GDI2: variants seen among roughly 807,000 people sequenced by gnomAD.
GDI2 encodes the protein GDP dissociation inhibitor 2.
In GDI2, 22 loss-of-function variants were observed where a neutral mutation model predicts 54.2. The ratio of observed to expected loss-of-function variants is 0.41; its 90% confidence interval spans 0.29 to 0.58. The LOEUF (loss-of-function observed/expected upper bound fraction) is 0.58. Ranked by LOEUF, GDI2 falls within the 20% of genes least tolerant of loss-of-function variation. The pLI, the probability that GDI2 is intolerant of heterozygous loss-of-function variation, is 0.35. For missense variants in GDI2, 422 were observed against 546.0 expected (o/e 0.77, Z 2.26); for synonymous variants, 177 against 182.1 (o/e 0.97, Z 0.23).
In GDI2 at chr10:5,785,419, G is replaced by C. The variant is rs552047976; in HGVS notation, c.588-146C>G. ...AGACAGGGTCTCACTCTGTCGCCCA[G>C]ACTGGAGTGCAGTGGTGCAATCTCG... On this transcript the variant is annotated intron_variant, in intron 5 of 10. Transcript: ENST00000380191. 26 of 619,406 alleles carry C rather than the reference G, an allele frequency of 4.2e-5. 1 individual carries two copies. In the South Asian group the frequency reaches 5.4e-4, roughly 13 times the overall value. The allele number at this position is 619,406 out of a possible 1,614,324, so 38.4% of individuals were successfully genotyped here. A position where few individuals can be genotyped will look rare whatever the true frequency, so the allele number is the denominator to read the frequency against.
chr10:5,786,146 C>T (rs919851545), intron 4 of GDI2, 96 bp from the exon 5 acceptor site: 6 of 694,394 alleles, frequency 8.6e-6, no homozygotes, highest in Non-Finnish European at 1.5e-5. Flanking sequence ...TTGTTATCAA[C>T]TGCGGAATGC....
intron 6 of GDI2, among the ~76,000 whole-genome samples, chr10:5,775,104 A>G (rs1220604849): frequency 6.6e-6 from 1 of 152,224 alleles, no homozygotes; most frequent in Non-Finnish European, 1.5e-5. Flanking sequence ...CCTTGGCAAC[A>G]TGCTGAAACC....
intron 8 of GDI2, among the ~76,000 whole-genome samples, chr10:5,767,155 G>C (rs1413371550): frequency 1.3e-5 from 2 of 151,728 alleles, no homozygotes; most frequent in Non-Finnish European, 2.9e-5. Flanking sequence ...GTCATTTCCA[G>C]GATAGAAAAT....
intron 1 of GDI2, among the ~76,000 whole-genome samples, chr10:5,807,633 T>C (rs1209915178): frequency 6.6e-6 from 1 of 152,188 alleles, no homozygotes; most frequent in Admixed American, 6.5e-5. Context: ...CACTTGACGT[T>C]CTCCTACATA....
intron 4 of GDI2, among the ~76,000 whole-genome samples, chr10:5,788,613 AT>A (rs1440410333): frequency 6.6e-6 from 1 of 152,206 alleles, no homozygotes; most frequent in Non-Finnish European, 1.5e-5. Flanking sequence ...GTGAAAAAAA[AT>A]CTCATGTTTT....
In GDI2 at chr10:5,771,873, C is replaced by T. The variant is rs146586410; in HGVS notation, c.819+1969G>A. Among the ~76,000 whole-genome samples, 264 of 152,248 alleles carry T rather than the reference C, an allele frequency of 1.7e-3. 1 individual carries two copies. The highest frequency in any genetic ancestry group is 9.7e-3 in the East Asian group (50 of 5,178). ...TTGGGAGGCCGAGGCAGGCAGATCA[C>T]GAGGTCAAGAAACCAAGACCAGCCT... On this transcript the variant is annotated intron_variant, in intron 7 of 10. Coordinates refer to ENST00000380191, the MANE Select transcript of GDI2 (RefSeq NM_001494.4).
chr10:5,795,608 A>G (rs1841128745), intron 3 of GDI2, among the ~76,000 whole-genome samples: 4 of 152,116 alleles, frequency 2.6e-5, no homozygotes, highest in Admixed American at 2.6e-4. Context: ...GCAATGAAAA[A>G]TTTATTAGAG....
chr10:5,776,238 A>G lies in GDI2; in HGVS notation c.720-2297T>C. 2.2e-6 allele frequency: 1 copy of G among 460,162 alleles called. No homozygotes were observed. Among genetic ancestry groups the G allele is most frequent in the Non-Finnish European group, 4.1e-6 (1 of 241,136 alleles). The allele number at this position is 460,162 out of a possible 1,614,324, so 28.5% of individuals were successfully genotyped here. A position where few individuals can be genotyped will look rare whatever the true frequency, so the allele number is the denominator to read the frequency against. On this transcript the variant is annotated intron_variant, in intron 6 of 10. Transcript: ENST00000380191. This position sits in a 1 kb window ranked among gnomAD's most constrained non-coding sequence, Gnocchi z 5.3. ...CTGGAATTGCAAAGGAATAGGAAAC[A>G]GCGCCTCCTCATCCAAGACAGGTGG...
chr10:5,808,170 C>G (rs1394400123), intron 1 of GDI2, among the ~76,000 whole-genome samples: 3 of 151,916 alleles, frequency 2.0e-5, no homozygotes, highest in Non-Finnish European at 4.4e-5. Context: ...AACCCCATTT[C>G]TACAAAAAAT....
rs554411682 is a variant in GDI2, at chr10:5,776,525, G to A, written c.720-2584C>T. ...GCCCGAAAGATAAAACAATTATAGA[G>A]AAGCAGATTTGAAGAGGCATGTGGA... On this transcript the variant is annotated intron_variant, in intron 6 of 10. Coordinates refer to ENST00000380191, the MANE Select transcript of GDI2 (RefSeq NM_001494.4). The surrounding 1 kb of genome is among the most constrained non-coding windows in gnomAD (Gnocchi z 5.3). 7.2e-4 allele frequency: 1,077 copies of A among 1,485,926 alleles called. 12 individuals are homozygous for A. The East Asian group carries it at 0.022, about 30-fold the overall frequency. 92.0% of individuals were successfully genotyped at this position (1,485,926 alleles called of 1,614,324 possible).
At chr10:5,810,247 A>G (rs1841457847) in intron 1 of GDI2, among the ~76,000 whole-genome samples, 1 of 152,254 alleles carries the variant, frequency 6.6e-6, no homozygotes, top group Non-Finnish European at 1.5e-5. Context: ...TCACTAAAGT[A>G]TATATTTCTA....
intron 4 of GDI2, among the ~76,000 whole-genome samples, chr10:5,789,818 C>G (rs1422655628): frequency 2.0e-5 from 3 of 152,188 alleles, no homozygotes; most frequent in African/African-American, 7.2e-5. Flanking sequence ...AGTATTAAGT[C>G]TTAACTGCGT....
chr10:5,803,985 C>A (rs1231012207), intron 1 of GDI2, among the ~76,000 whole-genome samples: 1 of 152,140 alleles, frequency 6.6e-6, no homozygotes, highest in African/African-American at 2.4e-5. Flanking sequence ...AAAATTCACA[C>A]AAATTTCAAG....
At chr10:5,795,115 G>C (rs142142401) in intron 3 of GDI2, 96 bp from the exon 4 acceptor site, 9 of 751,346 alleles carry the variant, frequency 1.2e-5, no homozygotes, top group Non-Finnish European at 1.8e-5. Flanking sequence ...TTCTAACGAT[G>C]TTCAATAACT....
Position 5,776,292 on chromosome 10 carries a change from G to T in GDI2, c.720-2351C>A. 1 of 559,542 alleles carries T rather than the reference G, an allele frequency of 1.8e-6. No individual in the cohort carries two copies. The highest frequency in any genetic ancestry group is 3.3e-6 in the Non-Finnish European group (1 of 299,742). The allele number at this position is 559,542 out of a possible 1,614,324, so 34.7% of individuals were successfully genotyped here. ...AGGGCCCAGCGTGAAAAGACTGAAA[G>T]CCCAGCAGAACATAGGATGTAGCTG... On this transcript the variant is annotated intron_variant, in intron 6 of 10. Coordinates refer to ENST00000380191, the MANE Select transcript of GDI2 (RefSeq NM_001494.4). The surrounding 1 kb of genome is among the most constrained non-coding windows in gnomAD (Gnocchi z 5.3).
At chr10:5,801,855 A>G (rs1225845493) in intron 1 of GDI2, among the ~76,000 whole-genome samples, 1 of 151,736 alleles carries the variant, frequency 6.6e-6, no homozygotes, top group East Asian at 1.9e-4. Context: ...TACTAAATAC[A>G]CAAAAATTAG....
At chr10:5,781,554 G>A (rs994820459) in intron 6 of GDI2, among the ~76,000 whole-genome samples, 33 of 150,110 alleles carry the variant, frequency 2.2e-4, no homozygotes, top group African/African-American at 7.6e-4. Flanking sequence ...GAACCCAGGA[G>A]GCAGAGCTTG....
At chr10:5,793,143 TACC>T (rs1841055415) in intron 4 of GDI2, among the ~76,000 whole-genome samples, 1 of 152,012 alleles carries the variant, frequency 6.6e-6, no homozygotes, top group South Asian at 2.1e-4. Context: ...TACAGTAATG[TACC>T]ACCACATCTG....
intron 5 of GDI2, among the ~76,000 whole-genome samples, chr10:5,785,540 T>C (rs1840854321): frequency 6.6e-6 from 1 of 152,012 alleles, no homozygotes; most frequent in Non-Finnish European, 1.5e-5. Context: ...ACCGCCCAAC[T>C]AATTTTTGCA....
Sources: gnomAD v4.1 joint callset for allele counts (sites outside exome capture counted in the v4.1 genomes callset) on GRCh38, gnomAD v4.1.1 for gene constraint, Gnocchi (gnomAD v3.1) non-coding constraint, MANE v1.5 for transcripts, NCBI Gene and HGNC (gene_info 2026-07-23, HGNC 2026-07-21) for gene names.